The following IGF1R variants were observed in gnomAD, a reference collection of about 807,000 sequenced individuals.
The protein encoded by IGF1R is insulin-like growth factor 1 receptor.
A neutral mutation model predicts 144.6 loss-of-function variants in IGF1R; 44 were observed. The observed-to-expected ratio is 0.30, with a 90% CI of 0.24 to 0.39. The LOEUF (loss-of-function observed/expected upper bound fraction) is 0.39. Among genes scored for constraint, IGF1R ranks in the 10% least tolerant of loss-of-function variants. The pLI, the probability that IGF1R is intolerant of heterozygous loss-of-function variation, is 1.00. For synonymous variants in IGF1R, 795 were observed against 722.8 expected, an observed-to-expected ratio of 1.10 and a Z score of -1.60; for missense variants, 1,355 against 1,833.7, an observed-to-expected ratio of 0.74 and a Z score of 4.77.
chr15:98,659,805 A>G (rs965671174), intron 1 of IGF1R, among the ~76,000 whole-genome samples: 2 of 152,172 alleles, frequency 1.3e-5, no homozygotes, highest in Admixed American at 6.5e-5. Flanking sequence ...ATACAGCAAG[A>G]TTTACCTTCC....
chr15:98,880,888 G>A (rs2013336262), intron 2 of IGF1R: 1 of 152,208 alleles, frequency 6.6e-6, no homozygotes, highest in Admixed American at 6.5e-5. Context: ...AAGTGACTGT[G>A]CTATCAGGAG....
intron 2 of IGF1R, among the ~76,000 whole-genome samples, chr15:98,841,369 A>G (rs2011171697): frequency 6.6e-6 from 1 of 152,240 alleles, no homozygotes; most frequent in South Asian, 2.1e-4. Context: ...TCATCTCTAA[A>G]GTATGGAAAA....
At chr15:98,854,438 G>A (rs974970008) in intron 2 of IGF1R, among the ~76,000 whole-genome samples, 1 of 152,150 alleles carries the variant, frequency 6.6e-6, no homozygotes, top group Non-Finnish European at 1.5e-5. Context: ...CTCATGAGGT[G>A]CCTAGGGCTG....
chr15:98,899,341 G>C, intron 4 of IGF1R, 136 bp from the exon 5 acceptor site: 1 of 847,412 alleles, frequency 1.2e-6, no homozygotes. Flanking sequence ...TTTTGTCAGG[G>C]AGCAGCCAGT....
At chr15:98,950,563 C>G (rs576878159) in intron 20 of IGF1R, among the ~76,000 whole-genome samples, 1 of 152,234 alleles carries the variant, frequency 6.6e-6, no homozygotes. Flanking sequence ...CACTCACAGT[C>G]CTTGCCATAT....
chr15:98,669,929 G>A (rs914966794), intron 1 of IGF1R, among the ~76,000 whole-genome samples: 1 of 152,180 alleles, frequency 6.6e-6, no homozygotes, highest in African/African-American at 2.4e-5. Flanking sequence ...TACAGTGGGC[G>A]GCAGAGTGGG....
At chr15:98,909,726 C>A (rs958128845) in intron 6 of IGF1R, among the ~76,000 whole-genome samples, 3 of 152,214 alleles carry the variant, frequency 2.0e-5, no homozygotes, top group African/African-American at 7.2e-5. Flanking sequence ...CTTGTTTCTC[C>A]CACCCCAACA....
At chr15:98,939,406 GT>G (rs2016282302) in intron 18 of IGF1R, 46 bp downstream of exon 18, 2 of 1,599,518 alleles carry the variant, frequency 1.3e-6, no homozygotes, top group Non-Finnish European at 1.7e-6. Context: ...AAACTCAGGT[GT>G]TTTGAGGACT....
At chr15:98,779,655 C>G (rs2055805922) in intron 2 of IGF1R, among the ~76,000 whole-genome samples, 1 of 152,192 alleles carries the variant, frequency 6.6e-6, no homozygotes, top group Admixed American at 6.5e-5. Flanking sequence ...ATCATATAAT[C>G]CGCTTCTCTG....
At chr15:98,942,846 T>G in intron 18 of IGF1R, 77 bp from the exon 19 acceptor site, 283 of 1,582,884 alleles carry the variant, frequency 1.8e-4, no homozygotes, top group Non-Finnish European at 2.2e-4. Context: ...CCACACATAA[T>G]GAGTGTAGGG....
intron 20 of IGF1R, 125 bp downstream of exon 20, chr15:98,948,833 T>A: frequency 8.8e-7 from 1 of 1,133,958 alleles, no homozygotes; most frequent in Non-Finnish European, 1.3e-6. Context: ...TTGCCAGGCG[T>A]GGCTAAGAGG....
intron 1 of IGF1R, among the ~76,000 whole-genome samples, chr15:98,698,370 T>C (rs1488836457): frequency 6.6e-6 from 1 of 152,218 alleles, no homozygotes; most frequent in African/African-American, 2.4e-5. Flanking sequence ...GTGTTCAGTT[T>C]AAGTACCTTT....
Position 98,921,883 on chromosome 15 carries a change from A to G in IGF1R, c.2202-265A>G, listed in dbSNP as rs113735894. On this transcript the variant is annotated intron_variant, in intron 10 of 20. Transcript: ENST00000650285. ...CCTGGCCAAGAGTGGCAGAGACACTATTTGCCTCTAGGTAAAATCGAAGAA... is the reference window on the plus strand; with the variant it reads ...CCTGGCCAAGAGTGGCAGAGACACTGTTTGCCTCTAGGTAAAATCGAAGAA... Among the ~76,000 whole-genome samples, 17 of 151,984 alleles carry G rather than the reference A, an allele frequency of 1.1e-4. 1 individual carries two copies. Among genetic ancestry groups the G allele is most frequent in the African/African-American group, 4.1e-4 (17 of 41,468 alleles).
At chr15:98,817,191 A>G (rs1051694647) in intron 2 of IGF1R, among the ~76,000 whole-genome samples, 35 of 152,034 alleles carry the variant, frequency 2.3e-4, no homozygotes, top group African/African-American at 8.0e-4. Context: ...AATCCCAGCT[A>G]CTCGGGAGTC....
At chr15:98,650,350 C>T (rs1025559225) in intron 1 of IGF1R, among the ~76,000 whole-genome samples, 2 of 152,164 alleles carry the variant, frequency 1.3e-5, no homozygotes, top group African/African-American at 2.4e-5. Flanking sequence ...GGGTTACCTG[C>T]CCCCGGCGTC....
chr15:98,729,577 T>TTTATTA (rs1555436832), intron 2 of IGF1R, among the ~76,000 whole-genome samples: 1 of 147,620 alleles, frequency 6.8e-6, no homozygotes, highest in Non-Finnish European at 1.5e-5. Context: ...TTTTTTTTTT[T>TTTATTA]AAGTGAACCT....
In IGF1R at chr15:98,850,249, G is replaced by A. The variant is rs147246923; in HGVS notation, c.641-41076G>A. Among the ~76,000 whole-genome samples the A allele has an allele frequency of 7.0e-3, 1,060 of 152,342 alleles. 13 individuals carry two copies. The highest frequency in any genetic ancestry group is 6.1e-3 in the Non-Finnish European group (416 of 68,032). ...TAGTAGCTGGCAGGTGGGCATGGTG[G>A]TGAGGGTGGTGTTTGAGCGGAGACC... On this transcript the variant is annotated intron_variant, in intron 2 of 20. Coordinates refer to ENST00000650285, the MANE Select transcript of IGF1R (RefSeq NM_000875.5).
intron 2 of IGF1R, among the ~76,000 whole-genome samples, chr15:98,754,694 A>G (rs1175681311): frequency 6.6e-6 from 1 of 152,196 alleles, no homozygotes; most frequent in East Asian, 1.9e-4. Flanking sequence ...TTTGAGAGGA[A>G]TGAGCTTGGA....
intron 13 of IGF1R, among the ~76,000 whole-genome samples, chr15:98,928,095 A>G (rs1312572930): frequency 6.6e-6 from 1 of 152,062 alleles, no homozygotes; most frequent in Admixed American, 6.6e-5. Flanking sequence ...TTCCAACCCA[A>G]GCCTCATGGA....
Sources: allele counts gnomAD v4.1 joint callset (sites outside exome capture counted in the v4.1 genomes callset), GRCh38; gene constraint gnomAD v4.1.1; transcripts MANE v1.5; gene names NCBI Gene and HGNC (gene_info 2026-07-23, HGNC 2026-07-21).